Variants in P4HA3 observed in about 807,000 individuals in gnomAD.
The protein encoded by P4HA3 is prolyl 4-hydroxylase subunit alpha-3.
In P4HA3, 60 loss-of-function variants were observed where a neutral mutation model predicts 66.7. The ratio of observed to expected loss-of-function variants is 0.90; its 90% confidence interval spans 0.73 to 1.12. P4HA3 has a LOEUF of 1.12. P4HA3 is among the 50% of genes most tolerant of loss of function. The pLI, the probability that P4HA3 is intolerant of heterozygous loss-of-function variation, is 0.00. For synonymous variants in P4HA3, 263 were observed against 274.6 expected (o/e 0.96, Z 0.42); for missense variants, 683 against 685.8 (o/e 1.00, Z 0.05).
chr11:74,264,250 A>G (rs2135698764), downstream of P4HA3, among the ~76,000 whole-genome samples: 1 of 152,180 alleles, frequency 6.6e-6, no homozygotes, highest in African/African-American at 2.4e-5. Context: ...CTCACTTTCC[A>G]CAGTACCTGC....
At chr11:74,305,517 C>A (rs1033433436) in intron 1 of P4HA3, among the ~76,000 whole-genome samples, 1 of 152,076 alleles carries the variant, frequency 6.6e-6, no homozygotes, top group Admixed American at 6.6e-5. Flanking sequence ...CCTGGGTTCG[C>A]AGCTGATTAT....
chr11:74,264,974 A>G (rs910468986), downstream of P4HA3, among the ~76,000 whole-genome samples: 16 of 152,220 alleles, frequency 1.1e-4, no homozygotes, highest in African/African-American at 3.4e-4. Flanking sequence ...TAAAAGCACA[A>G]GATTTGGGGC....
chr11:74,289,821 A>G (rs935565716), intron 4 of P4HA3, among the ~76,000 whole-genome samples: 9 of 152,090 alleles, frequency 5.9e-5, no homozygotes, highest in Non-Finnish European at 1.3e-4. Context: ...TATGTGCCAT[A>G]TTTTATTAAT....
Position 74,298,319 on chromosome 11 carries a change from G to C in P4HA3, c.610C>G (p.Leu204Val), listed in dbSNP as rs781755502. 1.2e-6 allele frequency: 2 copies of C among 1,613,814 alleles called. No individual in the cohort carries two copies. Residue 204 changes from leucine (L) to valine (V), a missense_variant, in exon 4 of 13, where the codon CTG (leucine) becomes GTG (valine). By Grantham distance (32) the Leu-to-Val change is conservative. Coordinates refer to ENST00000331597, the MANE Select transcript of P4HA3 (RefSeq NM_182904.5). ...MGDYYHAIPWLEEAVSLFRGS... is the reference protein window; with the variant it reads ...MGDYYHAIPWVEEAVSLFRGS... ...CGGAAGAGACTGACAGCCTCCTCCA[G>C]CCATGGAATGGCATGGTAATAATCC...
At chr11:74,292,771 A>G (rs538465022) in intron 4 of P4HA3, among the ~76,000 whole-genome samples, 3 of 152,146 alleles carry the variant, frequency 2.0e-5, no homozygotes, top group African/African-American at 7.2e-5. Context: ...TGAGTTTCTT[A>G]ATCCTGAGTT....
chr11:74,259,207 C>T (rs536288670), intron 15 of P4HA3, among the ~76,000 whole-genome samples: 2 of 152,244 alleles, frequency 1.3e-5, no homozygotes, highest in South Asian at 2.1e-4. Context: ...GGCGAAACCC[C>T]GTCTCTACTA....
chr11:74,276,308 A>T (rs1347465685), intron 9 of P4HA3, among the ~76,000 whole-genome samples: 1 of 152,162 alleles, frequency 6.6e-6, no homozygotes, highest in East Asian at 1.9e-4. Context: ...CACTCCTGTA[A>T]TGTCAGCACT....
chr11:74,259,827 C>T (rs748893444), intron 15 of P4HA3: 15 of 152,156 alleles, frequency 9.9e-5, no homozygotes, highest in South Asian at 2.1e-4. Flanking sequence ...ATTCTCTTGA[C>T]GGACATCTGG....
chr11:74,277,028 T>C lies in P4HA3; in HGVS notation c.1292A>G (p.Tyr431Cys), dbSNP rs777322891. ...AGGCTCATAGTGTCCTCCGATGCCA[T>C]AGTTCACCACCTGCAGATACTCTGC... Reference protein sequence around the residue: ...PYAEYLQVVNYGIGGHYEPHF... With the variant: ...PYAEYLQVVNCGIGGHYEPHF... Residue 431 changes from tyrosine (Y) to cysteine (C), a missense_variant, in exon 9 of 13, where the codon TAT becomes TGT. By Grantham distance (194) the Tyr-to-Cys change is radical (BLOSUM62 -2). Transcript: ENST00000331597. 6.2e-6 allele frequency: 10 copies of C among 1,613,918 alleles called. No individual in the cohort carries two copies. Among genetic ancestry groups the C allele is most frequent in the Admixed American group, 1.7e-5 (1 of 59,980 alleles).
At chr11:74,277,884 C>T (rs1860455004) in intron 8 of P4HA3, among the ~76,000 whole-genome samples, 1 of 152,202 alleles carries the variant, frequency 6.6e-6, no homozygotes, top group African/African-American at 2.4e-5. Flanking sequence ...ACAGCCTTGG[C>T]ATGATATGGA....
chr11:74,305,586 A>G (rs1193971611), intron 1 of P4HA3, among the ~76,000 whole-genome samples: 1 of 152,184 alleles, frequency 6.6e-6, no homozygotes, highest in African/African-American at 2.4e-5. Context: ...TTTTCAAGCC[A>G]ACAGGAACCA....
chr11:74,252,784 C>T (rs1050233433), intron 15 of P4HA3, among the ~76,000 whole-genome samples: 1 of 152,140 alleles, frequency 6.6e-6, no homozygotes, highest in African/African-American at 2.4e-5. Context: ...GAGGAAGAAA[C>T]AGGGCCAGGT....
rs1490595008 is a variant in P4HA3 at position 74,302,423 on chromosome 11, G to C, written c.513C>G (p.Tyr171Ter). Residue 171 changes from tyrosine to a stop codon, truncating the protein, a stop_gained, in exon 3 of 13, where the codon TAC becomes TAG. Coordinates refer to ENST00000331597, the MANE Select transcript of P4HA3 (RefSeq NM_182904.5). LOFTEE classifies it high-confidence loss of function. ...TGAGAGAAAAGAGCCGTTTGGGGCT[G>C]TACAGGTCAGTGATGGCAGAGCCAG... ...RVTGSAITDL[Y>*]SPKRLFSLTG... The C allele has an allele frequency of 1.9e-6, 3 of 1,614,014 alleles. No individual in the cohort carries two copies. Among genetic ancestry groups the C allele is most frequent in the Admixed American group, 1.7e-5 (1 of 60,012 alleles).
chr11:74,253,453 G>C (rs749621658), intron 15 of P4HA3: 1 of 1,587,030 alleles, frequency 6.3e-7, no homozygotes, highest in South Asian at 1.1e-5. Flanking sequence ...GCTATTGATA[G>C]TTACATTTGT....
Position 74,269,632 on chromosome 11 carries a change from GGGACC to G in P4HA3, c.1467+15_1467+19del. 1 of 1,608,556 alleles carries G rather than the reference GGGACC, an allele frequency of 6.2e-7. No homozygotes were observed. The highest frequency in any genetic ancestry group is 1.1e-5 in the South Asian group (1 of 90,392). On this transcript the variant is annotated intron_variant, in intron 11 of 12. Coordinates refer to ENST00000331597, the MANE Select transcript of P4HA3 (RefSeq NM_182904.5). ...CTGCACTCCCTCAACCCCGTCTTCT[GGGACC>G]AGGGCCCCACTCACCCTAACCACAG...
At chr11:74,302,765 C>CTGAATGAGGAACATTCAGAATGAG (rs1306834366) in intron 2 of P4HA3, among the ~76,000 whole-genome samples, 173 bp from the exon 3 acceptor site, 4 of 152,174 alleles carry the variant, frequency 2.6e-5, no homozygotes, top group African/African-American at 9.7e-5. Context: ...TAATGCAATT[C>CTGAATGAGGAACATTCAGAATGAG]TGAATGAGGA....
At chr11:74,288,225 T>G (rs1417039563) in intron 5 of P4HA3, among the ~76,000 whole-genome samples, 1 of 152,192 alleles carries the variant, frequency 6.6e-6, no homozygotes, top group African/African-American at 2.4e-5. Context: ...CATTTTATTG[T>G]CAGCAAGAGA....
intron 7 of P4HA3, among the ~76,000 whole-genome samples, chr11:74,283,942 A>G (rs918822253): frequency 1.3e-5 from 2 of 152,156 alleles, no homozygotes; most frequent in Admixed American, 6.5e-5. Flanking sequence ...TAGTGTAAAT[A>G]TTTGTTTTTC....
chr11:74,303,006 C>T (rs115778397), intron 2 of P4HA3, among the ~76,000 whole-genome samples: 28 of 151,738 alleles, frequency 1.8e-4, no homozygotes, highest in African/African-American at 6.8e-4. Flanking sequence ...GGCTGGAGCA[C>T]ACTGGCATGA....
Sources: allele counts gnomAD v4.1 joint callset (sites outside exome capture counted in the v4.1 genomes callset), GRCh38; gene constraint gnomAD v4.1.1; transcripts MANE v1.5; gene names NCBI Gene and HGNC (gene_info 2026-07-23, HGNC 2026-07-21).